PARK7: variants seen among roughly 807,000 people sequenced by gnomAD.
PARK7 encodes the protein Parkinsonism associated deglycase, also known as Parkinson disease protein 7.
In PARK7, 14 loss-of-function variants were observed where a neutral mutation model predicts 20.5. The observed-to-expected ratio is 0.68, with a 90% CI of 0.45 to 1.07. The LOEUF is 1.07. Ranked by LOEUF, PARK7 falls within the 50% of genes least tolerant of loss-of-function variation. The pLI, the probability that PARK7 is intolerant of heterozygous loss-of-function variation, is 0.00. For missense variants in PARK7, 234 were observed against 238.1 expected, an observed-to-expected ratio of 0.98 and a Z score of 0.11; for synonymous variants, 98 against 84.3, an observed-to-expected ratio of 1.16 and a Z score of -0.89.
At chr1:7,969,036 A>G (rs1640393098) in intron 3 of PARK7, 2 of 269,064 alleles carry the variant, frequency 7.4e-6, no homozygotes, top group Admixed American at 4.8e-5. Context: ...GATTGTACAC[A>G]TACACGCATA....
At chr1:7,962,120 AT>A (rs1288323688) in intron 1 of PARK7, 1 of 152,718 alleles carries the variant, frequency 6.5e-6, no homozygotes, top group Non-Finnish European at 1.5e-5. Flanking sequence ...GCTAAAAAAA[AT>A]TCGGAACCTC....
At chr1:7,969,098 C>G (rs138366265) in intron 3 of PARK7, 1 of 451,534 alleles carries the variant, frequency 2.2e-6, no homozygotes, top group Non-Finnish European at 4.0e-6. Flanking sequence ...GGAGATTATA[C>G]TACCCCTGCT....
rs148823647 is a variant in PARK7 at position 7,966,689 on chromosome 1, C to G, written c.192+1264C>G. Among the ~76,000 whole-genome samples the G allele has an allele frequency of 2.4e-3, 370 of 152,200 alleles. 2 individuals carry two copies. The highest frequency in any genetic ancestry group is 8.4e-3 in the African/African-American group (350 of 41,516). On this transcript the variant is annotated intron_variant, in intron 3 of 6. Coordinates refer to ENST00000338639, the MANE Select transcript of PARK7 (RefSeq NM_007262.5). ...TGTGATTGTGCCATTGCCCTTCAGC[C>G]TGGGTGACAGAGCGAGACCCTGTCT...
intron 6 of PARK7, among the ~76,000 whole-genome samples, chr1:7,982,433 G>A (rs916700703): frequency 1.1e-4 from 16 of 152,278 alleles, no homozygotes; most frequent in African/African-American, 3.4e-4. Flanking sequence ...CCTCCAGTTC[G>A]CACAGTGCCT....
At chr1:7,974,139 C>CCCCT (rs1260142571) in intron 5 of PARK7, among the ~76,000 whole-genome samples, 1 of 146,360 alleles carries the variant, frequency 6.8e-6, no homozygotes, top group Non-Finnish European at 1.5e-5. Context: ...GTGAGACCCC[C>CCCCT]CCACCGACCT....
At chr1:7,973,983 A>C (rs1327152201) in intron 5 of PARK7, among the ~76,000 whole-genome samples, 1 of 151,978 alleles carries the variant, frequency 6.6e-6, no homozygotes, top group Non-Finnish European at 1.5e-5. Context: ...CATGCTAAGA[A>C]GCATGGGCCT....
intron 6 of PARK7, chr1:7,982,824 A>G (rs1229166892): frequency 6.6e-6 from 1 of 152,256 alleles, no homozygotes; most frequent in African/African-American, 2.4e-5. Flanking sequence ...GTTAAATTGG[A>G]AATTGTTTAT....
chr1:7,980,547 G>A (rs1640689651), intron 6 of PARK7, among the ~76,000 whole-genome samples: 2 of 152,158 alleles, frequency 1.3e-5, no homozygotes, highest in African/African-American at 4.8e-5. Context: ...TCACAAACAA[G>A]GAGAGACTGA....
chr1:7,975,835 T>C (rs1640574153), intron 5 of PARK7, among the ~76,000 whole-genome samples: 1 of 152,208 alleles, frequency 6.6e-6, no homozygotes, highest in African/African-American at 2.4e-5. Flanking sequence ...TCTTACCAAA[T>C]AAAAATTAAA....
intron 3 of PARK7, 26 bp downstream of exon 3, chr1:7,965,451 T>G (rs778697690): frequency 2.5e-6 from 4 of 1,572,224 alleles, no homozygotes; most frequent in Non-Finnish European, 3.5e-6. Flanking sequence ...ATGGAGTTAT[T>G]CCTTCATATG....
intron 6 of PARK7, chr1:7,982,975 C>T (rs191487740): frequency 6.6e-6 from 1 of 152,296 alleles, no homozygotes; most frequent in Admixed American, 6.5e-5. Context: ...TCACTGCCTT[C>T]GACCAGCAGT....
In PARK7 at chr1:7,985,278, A is replaced by G; in HGVS notation, c.*224A>G. On this transcript the variant is annotated 3_prime_UTR_variant, in exon 7 of 7. Coordinates refer to ENST00000338639, the MANE Select transcript of PARK7 (RefSeq NM_007262.5). ...TGCAGAATAAACAGGGCATTTAGCA[A>G]ACTACTGATTGTTTCTTGTTTTGTC... is the stretch of plus-strand genomic sequence containing the variant. 1.7e-6 allele frequency: 1 copy of G among 572,082 alleles called. No homozygotes were observed. The highest frequency in any genetic ancestry group is 3.1e-6 in the Non-Finnish European group (1 of 324,760). The allele number at this position is 572,082 out of a possible 1,614,324, so 35.4% of individuals were successfully genotyped here. A position where few individuals can be genotyped will look rare whatever the true frequency, so the allele number is the denominator to read the frequency against.
At chr1:7,963,526 C>T (rs34157438) in intron 2 of PARK7, among the ~76,000 whole-genome samples, 21,366 of 151,404 alleles carry the variant, frequency 0.14, 1,761 homozygotes, top group Non-Finnish European at 0.17. Context: ...TACAGGTGTC[C>T]GCCACCACGC....
intron 6 of PARK7, among the ~76,000 whole-genome samples, chr1:7,980,772 G>T (rs977970989): frequency 6.6e-6 from 1 of 152,214 alleles, no homozygotes; most frequent in Non-Finnish European, 1.5e-5. Context: ...GGTCTGCTCT[G>T]GGTGAGGCCC....
intron 3 of PARK7, among the ~76,000 whole-genome samples, chr1:7,968,014 A>C (rs12063143): frequency 0.055 from 8,380 of 152,130 alleles, 781 homozygotes; most frequent in African/African-American, 0.19. Context: ...TTTTTAAAGT[A>C]CTAAAGTATT....
rs112015837 is a variant in PARK7, at chr1:7,984,740, G to GCTT, written c.410-151_410-149dup. 5 of 836,222 alleles carry GCTT rather than the reference G, an allele frequency of 6.0e-6. No individual in the cohort carries two copies. The highest frequency in any genetic ancestry group is 5.0e-5 in the African/African-American group (3 of 59,672). 51.8% of individuals were successfully genotyped at this position (836,222 alleles called of 1,614,324 possible). On this transcript the variant is annotated intron_variant, in intron 6 of 6. Coordinates refer to ENST00000338639, the MANE Select transcript of PARK7 (RefSeq NM_007262.5). The surrounding 1 kb of genome is among the most constrained non-coding windows in gnomAD (Gnocchi z 4.3). The stretch of plus-strand genomic sequence containing the variant: ...AGTTTTAAAAATACCTTTGTAGGGG[G>GCTT]CTTCTAAGAGCTTGGAGTGCCTAGT...
chr1:7,980,160 C>A (rs796293195), intron 6 of PARK7, among the ~76,000 whole-genome samples: 513 of 124,938 alleles, frequency 4.1e-3, no homozygotes, highest in East Asian at 4.5e-3. Context: ...GACTCCATCT[C>A]AAAAAAAAAA....
At chr1:7,963,574 C>T (rs161815) in intron 2 of PARK7, among the ~76,000 whole-genome samples, 1 of 151,218 alleles carries the variant, frequency 6.6e-6, no homozygotes, top group African/African-American at 2.4e-5. Flanking sequence ...GGGGTTTCAC[C>T]ATGTTGGCCA....
In PARK7 at chr1:7,984,763, A is replaced by C; in HGVS notation, c.410-131A>C. The stretch of plus-strand genomic sequence containing the variant: ...GGGCTTCTAAGAGCTTGGAGTGCCT[A>C]GTAAATGTTTTTGAATGGTTAGCTA... On this transcript the variant is annotated intron_variant, in intron 6 of 6. Transcript: ENST00000338639. The surrounding 1 kb of genome is among the most constrained non-coding windows in gnomAD (Gnocchi z 4.3). 9.1e-7 allele frequency: 1 copy of C among 1,102,998 alleles called. No homozygotes were observed. The highest frequency in any genetic ancestry group is 1.3e-5 in the South Asian group (1 of 78,246). 68.3% of individuals were successfully genotyped at this position (1,102,998 alleles called of 1,614,324 possible).
Sources: gnomAD v4.1 joint callset for allele counts (sites outside exome capture counted in the v4.1 genomes callset) on GRCh38, gnomAD v4.1.1 for gene constraint, Gnocchi (gnomAD v3.1) non-coding constraint, MANE v1.5 for transcripts, NCBI Gene and HGNC (gene_info 2026-07-23, HGNC 2026-07-21) for gene names.